Variants in SYNPR observed in about 807,000 individuals in gnomAD.
The protein encoded by SYNPR is synaptoporin.
SYNPR carries 23 observed loss-of-function variants against 32.9 expected under a neutral mutation model. The ratio of observed to expected loss-of-function variants is 0.70; its 90% confidence interval spans 0.50 to 0.99. SYNPR has a LOEUF of 0.99. Ranked by LOEUF, SYNPR falls within the 50% of genes least tolerant of loss-of-function variation. The probability of loss-of-function intolerance (pLI) is 0.00; values close to 1 mark genes in which losing one functional copy is unlikely to be tolerated. For missense variants in SYNPR, 318 were observed against 349.3 expected (o/e 0.91, Z 0.71); for synonymous variants, 146 against 135.9 (o/e 1.07, Z -0.52).
intron 4 of SYNPR, among the ~76,000 whole-genome samples, chr3:63,602,585 C>T (rs749838354): frequency 6.6e-6 from 1 of 152,104 alleles, no homozygotes; most frequent in Non-Finnish European, 1.5e-5. Flanking sequence ...TATCCTAGCA[C>T]CATTTATTGA....
At chr3:63,454,908 A>G (rs573754144) in intron 2 of SYNPR, among the ~76,000 whole-genome samples, 92 of 152,314 alleles carry the variant, frequency 6.0e-4, no homozygotes, top group Non-Finnish European at 1.2e-3. Flanking sequence ...TTTATGAGCC[A>G]TGGAGCATCA....
intron 4 of SYNPR, among the ~76,000 whole-genome samples, chr3:63,580,220 A>G (rs141192729): frequency 1.3e-5 from 2 of 152,288 alleles, no homozygotes; most frequent in African/African-American, 4.8e-5. Flanking sequence ...CAGAAAATGT[A>G]TGTTTATTGA....
chr3:63,224,317 A>T (rs547386359), upstream of SYNPR, among the ~76,000 whole-genome samples: 1 of 152,274 alleles, frequency 6.6e-6, no homozygotes, highest in African/African-American at 2.4e-5. Context: ...CTAATGCCTG[A>T]TGATCTGAGG....
intron 2 of SYNPR, among the ~76,000 whole-genome samples, chr3:63,319,918 G>A (rs947492291): frequency 6.6e-6 from 1 of 151,948 alleles, no homozygotes; most frequent in Admixed American, 6.6e-5. Context: ...TTATAAATGA[G>A]GCTATAGTGA....
chr3:63,605,843 G>T (rs1334191212), intron 4 of SYNPR, among the ~76,000 whole-genome samples: 1 of 152,252 alleles, frequency 6.6e-6, no homozygotes, highest in Non-Finnish European at 1.5e-5. Flanking sequence ...TGGTGAGTCT[G>T]AGCAGCAGAC....
intron 2 of SYNPR, among the ~76,000 whole-genome samples, chr3:63,300,663 C>T (rs1157943243): frequency 2.6e-5 from 4 of 152,070 alleles, no homozygotes; most frequent in Non-Finnish European, 5.9e-5. Context: ...TAGCCAGTAA[C>T]AGTCTAATAC....
At chr3:63,424,893 A>G (rs1350541854) in intron 2 of SYNPR, among the ~76,000 whole-genome samples, 1 of 152,228 alleles carries the variant, frequency 6.6e-6, no homozygotes. Context: ...TCAGACAAAG[A>G]CAGTAATCTT....
At chr3:63,437,346 G>A (rs768316572) in intron 2 of SYNPR, among the ~76,000 whole-genome samples, 2 of 152,224 alleles carry the variant, frequency 1.3e-5, no homozygotes, top group African/African-American at 2.4e-5. Flanking sequence ...GTTTACAAGC[G>A]CCCAATTTTA....
chr3:63,301,374 A>T (rs2086856019), intron 2 of SYNPR, among the ~76,000 whole-genome samples: 1 of 152,116 alleles, frequency 6.6e-6, no homozygotes, highest in East Asian at 1.9e-4. Context: ...ACAGATGTTT[A>T]TAACTATTGG....
At position 63,408,269 on chromosome 3, in the gene SYNPR, GAAAGAAAGAGGA is replaced by G. The variant is rs1560221068; in HGVS notation, c.85-72561_85-72550del. Among the ~76,000 whole-genome samples, 57 of 112,152 alleles carry G rather than the reference GAAAGAAAGAGGA, an allele frequency of 5.1e-4. 2 individuals are homozygous for G. The highest frequency in any genetic ancestry group is 6.4e-4 in the Non-Finnish European group (36 of 56,146). The allele number at this position is 112,152 out of a possible 152,430, so 73.6% of individuals were successfully genotyped here. A position where few individuals can be genotyped will look rare whatever the true frequency, so the allele number is the denominator to read the frequency against. On this transcript the variant is annotated intron_variant, in intron 2 of 5. Transcript: ENST00000478300. Reference sequence around the variant, plus strand: ...AGAAAGAAAGAAAGAAAGAAAGAAAGAAAGAAAGAGGAAGGAAGGAAGGAAGGAAGGAAGGAA... The same window carrying G: ...AGAAAGAAAGAAAGAAAGAAAGAAAGAGGAAGGAAGGAAGGAAGGAAGGAA...
chr3:63,211,380 A>T, the SYNPR span, among the ~76,000 whole-genome samples: 6 of 152,258 alleles, frequency 3.9e-5, no homozygotes, highest in Admixed American at 3.3e-4. Context: ...ACCTTCTTTT[A>T]CTTCAAATTT....
At chr3:63,230,396 AC>A (rs1401718258) in intron 1 of SYNPR, among the ~76,000 whole-genome samples, 1 of 152,124 alleles carries the variant, frequency 6.6e-6, no homozygotes. Flanking sequence ...CTAGACATTA[AC>A]CCTACCTCAG....
At chr3:63,241,486 G>C (rs2086242306) in intron 1 of SYNPR, among the ~76,000 whole-genome samples, 1 of 152,030 alleles carries the variant, frequency 6.6e-6, no homozygotes, top group African/African-American at 2.4e-5. Context: ...TTGAGAATGG[G>C]TATATGATGC....
Position 63,326,623 on chromosome 3 carries a change from C to A in SYNPR, c.84+47881C>A, listed in dbSNP as rs1274927692. On this transcript the variant is annotated intron_variant, in intron 2 of 5. Coordinates refer to ENST00000478300, the MANE Select transcript of SYNPR (RefSeq NM_001130003.2). ...CTGAGTGTCCAGTCTTATCTAGAAG[C>A]CCAGAAGCCAGATGCTGGTCCTTGG... Among the ~76,000 whole-genome samples the A allele has an allele frequency of 4.6e-5, 7 of 152,160 alleles. No individual in the cohort carries two copies. In the South Asian group the frequency reaches 8.3e-4, roughly 18 times the overall value.
chr3:63,596,068 A>T (rs1699955172), intron 4 of SYNPR, among the ~76,000 whole-genome samples: 1 of 149,432 alleles, frequency 6.7e-6, no homozygotes. Context: ...GTATGTATAC[A>T]TGTGCCATGC....
intron 2 of SYNPR, among the ~76,000 whole-genome samples, chr3:63,290,642 G>A (rs1485020310): frequency 2.0e-5 from 3 of 152,110 alleles, no homozygotes; most frequent in African/African-American, 7.2e-5. Context: ...GTTGAAACAT[G>A]CAGATACAAA....
chr3:63,252,739 G>C (rs909313101), intron 2 of SYNPR, among the ~76,000 whole-genome samples: 2 of 152,106 alleles, frequency 1.3e-5, no homozygotes, highest in African/African-American at 4.8e-5. Context: ...TATATATGCA[G>C]ATAAGAATGG....
intron 4 of SYNPR, among the ~76,000 whole-genome samples, chr3:63,590,768 A>T: frequency 3.6e-5 from 4 of 112,402 alleles, no homozygotes; most frequent in Non-Finnish European, 3.7e-5. Flanking sequence ...GAAAGCTGAA[A>T]CTGGATCCCT....
At chr3:63,499,242 A>C (rs1414499724) in intron 3 of SYNPR, among the ~76,000 whole-genome samples, 2 of 152,168 alleles carry the variant, frequency 1.3e-5, no homozygotes, top group African/African-American at 4.8e-5. Flanking sequence ...GGTTAGGCAA[A>C]GAAGGAATGA....
Sources: gnomAD v4.1 joint callset for allele counts (sites outside exome capture counted in the v4.1 genomes callset) on GRCh38, gnomAD v4.1.1 for gene constraint, MANE v1.5 for transcripts, NCBI Gene and HGNC (gene_info 2026-07-23, HGNC 2026-07-21) for gene names.